The following CTNNA3 variants were observed in gnomAD, a reference collection of about 807,000 sequenced individuals.
The protein encoded by CTNNA3 is catenin alpha 3.
A neutral mutation model predicts 95.7 loss-of-function variants in CTNNA3; 76 were observed. That is an observed-to-expected ratio of 0.79 (90% confidence interval 0.66 to 0.96). The LOEUF (loss-of-function observed/expected upper bound fraction) is 0.96. Ranked by LOEUF, CTNNA3 falls within the 40% of genes least tolerant of loss-of-function variation. The probability of loss-of-function intolerance (pLI) is 0.00; values close to 1 mark genes in which losing one functional copy is unlikely to be tolerated. For synonymous variants in CTNNA3, 431 were observed against 374.4 expected, an observed-to-expected ratio of 1.15 and a Z score of -1.74; for missense variants, 1,191 against 1,089.8, an observed-to-expected ratio of 1.09 and a Z score of -1.31.
Position 66,351,967 on chromosome 10 carries a change from G to A in CTNNA3, c.1732+27185C>T, listed in dbSNP as rs185198451. Reference sequence around the variant, plus strand: ...AAACTTTAATTTTACTGTCCAGGAGGTGACAATATATAATAATAAAAATAA... The same window carrying A: ...AAACTTTAATTTTACTGTCCAGGAGATGACAATATATAATAATAAAAATAA... On this transcript the variant is annotated intron_variant, in intron 12 of 17. Coordinates refer to ENST00000433211, the MANE Select transcript of CTNNA3 (RefSeq NM_013266.4). Among the ~76,000 whole-genome samples, 497 of 151,948 alleles carry A rather than the reference G, an allele frequency of 3.3e-3. 9 individuals carry two copies. The highest frequency in any genetic ancestry group is 1.0e-3 in the Non-Finnish European group (70 of 67,912).
intron 11 of CTNNA3, among the ~76,000 whole-genome samples, chr10:66,405,833 A>C (rs7895932): frequency 0.13 from 19,640 of 152,142 alleles, 1,691 homozygotes; most frequent in African/African-American, 0.24. Context: ...CTGGTTTTGT[A>C]ATTTGATCCA....
chr10:66,238,457 A>G (rs1211542021), intron 13 of CTNNA3, among the ~76,000 whole-genome samples: 4 of 152,046 alleles, frequency 2.6e-5, no homozygotes, highest in Non-Finnish European at 4.4e-5. Context: ...AATTATTGTA[A>G]ACTCAAATTT....
At chr10:67,021,454 G>A (rs964561623) in intron 7 of CTNNA3, among the ~76,000 whole-genome samples, 4 of 151,738 alleles carry the variant, frequency 2.6e-5, no homozygotes, top group South Asian at 2.1e-4. Context: ...TTTAAATACC[G>A]TTCATACAAA....
intron 3 of CTNNA3, among the ~76,000 whole-genome samples, chr10:67,543,195 G>A (rs149382665): frequency 3.3e-5 from 5 of 151,004 alleles, no homozygotes; most frequent in Admixed American, 6.6e-5. Context: ...TTTTTTAATC[G>A]TTAAAAAAAA....
intron 5 of CTNNA3, among the ~76,000 whole-genome samples, chr10:67,296,173 T>C (rs1293218779): frequency 6.6e-6 from 1 of 152,164 alleles, no homozygotes; most frequent in Non-Finnish European, 1.5e-5. Flanking sequence ...GCAAACACAG[T>C]TGAAATTATA....
intron 12 of CTNNA3, among the ~76,000 whole-genome samples, chr10:66,366,519 G>A (rs2092712281): frequency 6.6e-6 from 1 of 152,070 alleles, no homozygotes; most frequent in African/African-American, 2.4e-5. Context: ...ACAGTTATTA[G>A]TGCCTTTTTA....
intron 7 of CTNNA3, among the ~76,000 whole-genome samples, chr10:66,952,539 ATG>A (rs138390909): frequency 0.018 from 2,782 of 151,658 alleles, 76 homozygotes; most frequent in African/African-American, 0.063. Flanking sequence ...GTGTGTATTT[ATG>A]TGTGTGTGTG....
intron 7 of CTNNA3, among the ~76,000 whole-genome samples, chr10:67,103,322 T>C (rs1057504403): frequency 6.6e-6 from 1 of 151,852 alleles, no homozygotes; most frequent in Non-Finnish European, 1.5e-5. Flanking sequence ...CAACTATATA[T>C]AAAATGCTCA....
chr10:66,826,827 G>A (rs1008821456), intron 7 of CTNNA3, among the ~76,000 whole-genome samples: 3 of 152,134 alleles, frequency 2.0e-5, no homozygotes, highest in Non-Finnish European at 2.9e-5. Context: ...ATGTCATGGA[G>A]TAGTCATTTT....
chr10:67,239,975 G>A (rs982852427), intron 5 of CTNNA3, among the ~76,000 whole-genome samples: 2 of 152,166 alleles, frequency 1.3e-5, no homozygotes, highest in African/African-American at 2.4e-5. Context: ...TCCATGAACC[G>A]TTGGACAAAC....
intron 7 of CTNNA3, among the ~76,000 whole-genome samples, chr10:67,064,936 A>G (rs1381051271): frequency 2.6e-5 from 4 of 152,206 alleles, no homozygotes. Flanking sequence ...AGAACTTTCA[A>G]TAAAGAAAAT....
chr10:66,780,618 T>C (rs1040175341), intron 7 of CTNNA3, among the ~76,000 whole-genome samples: 5 of 152,324 alleles, frequency 3.3e-5, no homozygotes, highest in South Asian at 4.1e-4. Context: ...GCTCATTTCA[T>C]TAGTATTTGT....
intron 12 of CTNNA3, among the ~76,000 whole-genome samples, chr10:66,336,782 C>A (rs928228433): frequency 3.3e-5 from 5 of 152,068 alleles, no homozygotes; most frequent in African/African-American, 7.2e-5. Flanking sequence ...TTGAAAAATT[C>A]TCTCATAGCT....
intron 3 of CTNNA3, among the ~76,000 whole-genome samples, chr10:67,569,492 A>G (rs993367464): frequency 2.0e-5 from 3 of 152,204 alleles, no homozygotes; most frequent in Non-Finnish European, 4.4e-5. Flanking sequence ...AATGAGTCCT[A>G]GAAACTAAAA....
chr10:67,057,068 C>G (rs964499585), intron 7 of CTNNA3, among the ~76,000 whole-genome samples: 4 of 152,180 alleles, frequency 2.6e-5, no homozygotes, highest in African/African-American at 9.7e-5. Context: ...GGCTTCTTCT[C>G]TAGTCTAATT....
chr10:67,538,435 T>C (rs6480271), intron 4 of CTNNA3, among the ~76,000 whole-genome samples: 30,001 of 151,370 alleles, frequency 0.2, 4,936 homozygotes, highest in African/African-American at 0.46. Flanking sequence ...TACAAAAAAT[T>C]AGCCAGGCAT....
chr10:66,793,340 T>A (rs1406636811), intron 7 of CTNNA3, among the ~76,000 whole-genome samples: 4 of 152,080 alleles, frequency 2.6e-5, no homozygotes, highest in African/African-American at 9.7e-5. Flanking sequence ...GATGGGCTTG[T>A]GCTATGTTGC....
chr10:66,846,700 GA>G (rs1217827029), intron 7 of CTNNA3, among the ~76,000 whole-genome samples: 1 of 151,930 alleles, frequency 6.6e-6, no homozygotes, highest in East Asian at 1.9e-4. Flanking sequence ...CTCTTTTTAG[GA>G]ATGGATTTCT....
chr10:66,402,255 T>G (rs979187350), intron 11 of CTNNA3, among the ~76,000 whole-genome samples: 1 of 152,188 alleles, frequency 6.6e-6, no homozygotes, highest in Non-Finnish European at 1.5e-5. Flanking sequence ...TTTTTTATTA[T>G]GAGAACCATT....
Sources: allele counts gnomAD v4.1 joint callset (sites outside exome capture counted in the v4.1 genomes callset), GRCh38; gene constraint gnomAD v4.1.1; transcripts MANE v1.5; gene names NCBI Gene and HGNC (gene_info 2026-07-23, HGNC 2026-07-21).